The following WDR5 variants were observed in gnomAD, a reference collection of about 807,000 sequenced individuals.
The protein encoded by WDR5 is WD repeat domain 5, also known as WD repeat-containing protein 5.
For missense variants in WDR5, 187 were observed against 416.9 expected (o/e 0.45, Z 4.80); for synonymous variants, 144 against 161.6 (o/e 0.89, Z 0.83).
At chr9:134,155,217 C>T (rs1832692879) in intron 10 of WDR5, 123 bp from the exon 11 acceptor site, 3 of 1,213,106 alleles carry the variant, frequency 2.5e-6, no homozygotes, top group Admixed American at 5.9e-5. Flanking sequence ...GAAGGGGGTT[C>T]CAGCCCCGCT....
At chr9:134,146,571 C>T (rs1474580188) in intron 7 of WDR5, among the ~76,000 whole-genome samples, 1 of 152,134 alleles carries the variant, frequency 6.6e-6, no homozygotes, top group Non-Finnish European at 1.5e-5. Flanking sequence ...ACTTTTCTGG[C>T]AGCCTTCTGC....
At position 134,154,519 on chromosome 9, in the gene WDR5, A is replaced by G; in HGVS notation, c.685A>G (p.Ile229Val). 6.2e-7 allele frequency: 1 copy of G among 1,614,142 alleles called. No homozygotes were observed. The highest frequency in any genetic ancestry group is 2.2e-5 in the East Asian group (1 of 44,868). Reference sequence around the variant, plus strand: ...GAAGTTCTCCCCGAACGGCAAATACATCCTGGCCGCCACGCTGGACAAGTG... The same window carrying G: ...GAAGTTCTCCCCGAACGGCAAATACGTCCTGGCCGCCACGCTGGACAAGTG... The part of the protein sequence containing the change: ...FVKFSPNGKY[I>V]LAATLDNTLK... The change falls in exon 10 of 14, where the codon ATC becomes GTC. Residue 229 changes from isoleucine to valine, a missense_variant. Coordinates refer to ENST00000358625, the MANE Select transcript of WDR5 (RefSeq NM_017588.3).
chr9:134,151,879 A>G, intron 8 of WDR5, 104 bp from the exon 9 acceptor site: 1 of 1,152,424 alleles, frequency 8.7e-7, no homozygotes, highest in Non-Finnish European at 1.3e-6. Flanking sequence ...TTAAAAAAAG[A>G]TAGGGAAAAG....
intron 8 of WDR5, among the ~76,000 whole-genome samples, chr9:134,149,372 G>T (rs1028430123): frequency 2.0e-5 from 3 of 152,230 alleles, no homozygotes; most frequent in African/African-American, 7.2e-5. Context: ...GATGTGCTGT[G>T]GCAAAAATGA....
Position 134,152,025 on chromosome 9 carries a change from C to T in WDR5, c.627C>T (p.Leu209=), listed in dbSNP as rs149771062. 3.1e-6 allele frequency: 5 copies of T among 1,614,052 alleles called. No homozygotes were observed. The South Asian group carries it at 3.3e-5, about 11-fold the overall frequency. ...DTASGQCLKT[L]IDDDNPPVSF... is the part of the protein sequence containing the mutation. ...CCTCAGGCCAGTGCCTGAAGACGCTCATCGGTGAGTGTGGCTCTGTGTGGG... is the reference window on the plus strand; with the variant it reads ...CCTCAGGCCAGTGCCTGAAGACGCTTATCGGTGAGTGTGGCTCTGTGTGGG... The change falls in exon 9 of 14, where the codon CTC becomes CTT. Residue 209 remains leucine, a synonymous_variant. Transcript: ENST00000358625.
At position 134,156,102 on chromosome 9, in the gene WDR5, G is replaced by A. The variant is rs548195081; in HGVS notation, c.816+335G>A. Among the ~76,000 whole-genome samples, 177 of 152,372 alleles carry A rather than the reference G, an allele frequency of 1.2e-3. 1 individual carries two copies. The highest frequency in any genetic ancestry group is 2.1e-4 in the South Asian group (1 of 4,832). ...GCTGGCTCCGGGGCTGTCGTCCACCGGCCCCAGCAGGGAGGGGAGTGTGTT... is the reference window on the plus strand; with the variant it reads ...GCTGGCTCCGGGGCTGTCGTCCACCAGCCCCAGCAGGGAGGGGAGTGTGTT... On this transcript the variant is annotated intron_variant, in intron 12 of 13. Transcript: ENST00000358625.
chr9:134,150,436 CT>C (rs1832431609), intron 8 of WDR5, among the ~76,000 whole-genome samples: 2 of 152,174 alleles, frequency 1.3e-5, no homozygotes, highest in Non-Finnish European at 2.9e-5. Flanking sequence ...TTGTTGACCA[CT>C]TACTGGTAAC....
Position 134,157,062 on chromosome 9 carries a change from C to A in WDR5, c.904+469C>A, listed in dbSNP as rs1215329796. On this transcript the variant is annotated intron_variant, in intron 13 of 13. Coordinates refer to ENST00000358625, the MANE Select transcript of WDR5 (RefSeq NM_017588.3). The surrounding 1 kb of genome is among the most constrained non-coding windows in gnomAD (Gnocchi z 5.0). ...CTGGTTCCCAGGCTACCTGGGGTTGCCACCTCTGTGGGTCCCGGCTGCCCT... is the reference window on the plus strand; with the variant it reads ...CTGGTTCCCAGGCTACCTGGGGTTGACACCTCTGTGGGTCCCGGCTGCCCT... 6.6e-6 allele frequency among the ~76,000 whole-genome samples: 1 copy of A among 152,124 alleles called. No homozygotes were observed. The highest frequency in any genetic ancestry group is 2.4e-5 in the African/African-American group (1 of 41,440).
At chr9:134,146,936 C>A (rs1375633620) in intron 7 of WDR5, among the ~76,000 whole-genome samples, 1 of 152,248 alleles carries the variant, frequency 6.6e-6, no homozygotes, top group African/African-American at 2.4e-5. Flanking sequence ...ACTCACCCCT[C>A]TGTGTCTGCT....
chr9:134,145,354 C>T (rs953359143), intron 7 of WDR5, among the ~76,000 whole-genome samples: 9 of 152,162 alleles, frequency 5.9e-5, no homozygotes, highest in East Asian at 1.9e-4. Context: ...CCGCCTGGTC[C>T]TCCCAAAGTG....
chr9:134,155,262 G>C (rs888960782), intron 10 of WDR5, 78 bp from the exon 11 acceptor site: 3 of 1,455,326 alleles, frequency 2.1e-6, no homozygotes, highest in Non-Finnish European at 2.7e-6. Context: ...TGGCTGTGAC[G>C]TAGTGGCTGC....
chr9:134,147,016 G>A (rs1213539525), intron 7 of WDR5, among the ~76,000 whole-genome samples: 2 of 152,246 alleles, frequency 1.3e-5, no homozygotes, highest in Non-Finnish European at 2.9e-5. Flanking sequence ...ATGGCCCAGA[G>A]CTCAGGGCTG....
chr9:134,142,486 T>A, intron 6 of WDR5, 64 bp downstream of exon 6: 1 of 1,594,540 alleles, frequency 6.3e-7, no homozygotes, highest in Non-Finnish European at 8.6e-7. Flanking sequence ...GCTGTTGAAT[T>A]TGCTTGTAGC....
chr9:134,137,684 C>CCAA (rs1831646241), intron 1 of WDR5, among the ~76,000 whole-genome samples: 1 of 104,932 alleles, frequency 9.5e-6, no homozygotes, highest in East Asian at 2.6e-4. Context: ...AAAACAAAAA[C>CCAA]AAAAAAAAAA....
chr9:134,148,235 G>A (rs1832312418), intron 7 of WDR5, 53 bp from the exon 8 acceptor site: 1 of 688,646 alleles, frequency 1.5e-6, no homozygotes, highest in African/African-American at 2.3e-5. Context: ...AAGCAGTTGT[G>A]TCCCTGACTT....
Position 134,140,764 on chromosome 9 carries a change from T to C in WDR5, c.143T>C (p.Val48Ala). 1 of 1,614,186 alleles carries C rather than the reference T, an allele frequency of 6.2e-7. No homozygotes were observed. The highest frequency in any genetic ancestry group is 8.5e-7 in the Non-Finnish European group (1 of 1,180,036). Reference sequence around the variant, plus strand: ...ACCCTTGCTGGCCACACCAAAGCAGTGTCCTCCGTGAAATTCAGCCCGAAT... The same window carrying C: ...ACCCTTGCTGGCCACACCAAAGCAGCGTCCTCCGTGAAATTCAGCCCGAAT... The part of the protein sequence containing the change: ...KFTLAGHTKA[V>A]SSVKFSPNGE... The change falls in exon 3 of 14, where the codon GTG (valine) becomes GCG (alanine). Residue 48 changes from valine (V) to alanine (A), a missense_variant. Transcript: ENST00000358625.
chr9:134,152,858 C>T (rs1191077952), intron 9 of WDR5, among the ~76,000 whole-genome samples: 1 of 152,220 alleles, frequency 6.6e-6, no homozygotes, highest in African/African-American at 2.4e-5. Context: ...GAGGAGGCCT[C>T]TTCTTGGCTT....
chr9:134,142,823 G>T (rs1245318109), intron 7 of WDR5, 104 bp downstream of exon 7: 1 of 1,171,364 alleles, frequency 8.5e-7, no homozygotes, highest in East Asian at 2.3e-5. Flanking sequence ...GCCATGGCCT[G>T]TGCCTAGCTG....
intron 8 of WDR5, among the ~76,000 whole-genome samples, chr9:134,149,965 A>G (rs980432254): frequency 7.2e-5 from 11 of 152,144 alleles, no homozygotes; most frequent in African/African-American, 2.4e-4. Context: ...GGAAAAGGGG[A>G]TTGAAGGCCT....
Sources: allele counts gnomAD v4.1 joint callset (sites outside exome capture counted in the v4.1 genomes callset), GRCh38; gene constraint gnomAD v4.1.1; non-coding constraint Gnocchi (gnomAD v3.1); transcripts MANE v1.5; gene names NCBI Gene and HGNC (gene_info 2026-07-23, HGNC 2026-07-21).